FAM110A: variants seen among roughly 807,000 people sequenced by gnomAD.
FAM110A encodes protein FAM110A.
A neutral mutation model predicts 4.0 loss-of-function variants in FAM110A; 1 was observed. The ratio of observed to expected loss-of-function variants is 0.25; its 90% CI spans 0.09 to 1.20. The LOEUF is 1.20. Ranked by LOEUF, FAM110A falls within the 50% of genes most tolerant of loss-of-function variation. The pLI, the probability that FAM110A is intolerant of heterozygous loss-of-function variation, is 0.50. For missense variants in FAM110A, 436 were observed against 429.2 expected (o/e 1.02, Z -0.14); for synonymous variants, 217 against 196.8 (o/e 1.10, Z -0.86).
intron 1 of FAM110A, chr20:839,635 G>A (rs1979767403): frequency 8.6e-7 from 1 of 1,161,918 alleles, no homozygotes; most frequent in Non-Finnish European, 1.3e-6. Flanking sequence ...TTAGGCCGAG[G>A]CCTGCCAGTC....
In FAM110A at chr20:835,194, C is replaced by CTA. The variant is rs1485050831; in HGVS notation, c.-98+1244_-98+1245insAT. Among the ~76,000 whole-genome samples, 732 of 124,276 alleles carry CTA rather than the reference C, an allele frequency of 5.9e-3. 7 individuals are homozygous for CTA. The highest frequency in any genetic ancestry group is 0.02 in the African/African-American group (599 of 30,292). 81.5% of individuals were successfully genotyped at this position (124,276 alleles called of 152,430 possible). ...TCTCTCTCTCTCTCTCTCTCTCTCT[C>CTA]TCTCTCTATATATATATATACACAC... On this transcript the variant is annotated intron_variant, in intron 1 of 1. Transcript: ENST00000381941.
At chr20:843,543 T>C (rs1980062749) in intron 1 of FAM110A, among the ~76,000 whole-genome samples, 2 of 152,242 alleles carry the variant, frequency 1.3e-5, no homozygotes, top group African/African-American at 4.8e-5. Flanking sequence ...GCTATTGAGC[T>C]GGACAGCACG....
rs144688417 is a variant in FAM110A, at chr20:840,404, A to G, written c.-97-4304A>G. Among the ~76,000 whole-genome samples the G allele has an allele frequency of 1.2e-3, 185 of 152,300 alleles. 1 individual carries two copies. In the East Asian group the frequency reaches 0.028, roughly 23 times the overall value. On this transcript the variant is annotated intron_variant, in intron 1 of 1. Coordinates refer to ENST00000381941, the MANE Select transcript of FAM110A (RefSeq NM_001042353.3). The surrounding 1 kb of genome is among the most constrained non-coding windows in gnomAD (Gnocchi z 4.4). Reference sequence around the variant, plus strand: ...TGGGCCTCAGGATTCCCATGAAAAAATGGCCTATCAAATGTTCCTACCTGC... The same window carrying G: ...TGGGCCTCAGGATTCCCATGAAAAAGTGGCCTATCAAATGTTCCTACCTGC...
Position 845,297 on chromosome 20 carries a change from C to T in FAM110A, c.493C>T (p.Arg165Trp), listed in dbSNP as rs1403806823. ...CCGCCCCCTGCCCGCCTCGCCTGCC[C>T]GGCCCTGCCCATCACCCGGCCCTGC... Reference protein sequence around the residue: ...DVRPLPASPARPCPSPGPAAA... With the variant: ...DVRPLPASPAWPCPSPGPAAA... The change falls in exon 2 of 2, where the codon CGG becomes TGG. Residue 165 changes from arginine to tryptophan, a missense_variant. Arg to Trp is a moderately radical substitution (Grantham distance 101, BLOSUM62 -3). Coordinates refer to ENST00000381941, the MANE Select transcript of FAM110A (RefSeq NM_001042353.3). 3.9e-6 allele frequency: 6 copies of T among 1,522,630 alleles called. No homozygotes were observed. In the South Asian group the frequency reaches 5.0e-5, roughly 13 times the overall value. The allele number at this position is 1,522,630 out of a possible 1,614,324, so 94.3% of individuals were successfully genotyped here.
At chr20:838,085 G>C (rs1209328639) in intron 1 of FAM110A, among the ~76,000 whole-genome samples, 1 of 152,172 alleles carries the variant, frequency 6.6e-6, no homozygotes, top group Non-Finnish European at 1.5e-5. Context: ...AGCCACTCAG[G>C]AGGCTGAGGT....
intron 1 of FAM110A, among the ~76,000 whole-genome samples, chr20:842,331 C>T (rs1489511488): frequency 1.3e-5 from 2 of 152,088 alleles, no homozygotes; most frequent in Admixed American, 6.5e-5. Context: ...GGGTCGTGCA[C>T]GGGGTTTCTG....
At position 840,570 on chromosome 20, in the gene FAM110A, C is replaced by G. The variant is rs951153285; in HGVS notation, c.-97-4138C>G. The stretch of plus-strand genomic sequence containing the variant: ...GTATGGTGCCTGGCACCCCAAAATT[C>G]TAGTTATTGTTGTTACTATGACGGC... On this transcript the variant is annotated intron_variant, in intron 1 of 1. Coordinates refer to ENST00000381941, the MANE Select transcript of FAM110A (RefSeq NM_001042353.3). This position sits in a 1 kb window ranked among gnomAD's most constrained non-coding sequence, Gnocchi z 4.4. Among the ~76,000 whole-genome samples the G allele has an allele frequency of 6.6e-6, 1 of 152,146 alleles. No individual in the cohort carries two copies. Among genetic ancestry groups the G allele is most frequent in the Non-Finnish European group, 1.5e-5 (1 of 68,028 alleles).
chr20:838,678 C>T (rs1230615686), intron 1 of FAM110A, among the ~76,000 whole-genome samples: 2 of 152,046 alleles, frequency 1.3e-5, no homozygotes, highest in Non-Finnish European at 2.9e-5. Context: ...GTGCAAAAGC[C>T]CTGAGGCAGG....
At position 845,622 on chromosome 20, in the gene FAM110A, G is replaced by A. The variant is rs868662309; in HGVS notation, c.818G>A (p.Arg273His). 1.9e-6 allele frequency: 3 copies of A among 1,614,062 alleles called. No homozygotes were observed. The highest frequency in any genetic ancestry group is 2.5e-6 in the Non-Finnish European group (3 of 1,180,040). Residue 273 changes from arginine (R) to histidine (H), a missense_variant, in exon 2 of 2, where the codon CGC (arginine) becomes CAC (histidine). Coordinates refer to ENST00000381941, the MANE Select transcript of FAM110A (RefSeq NM_001042353.3). ...RVPYGVSVVE[R>H]NARVIKWLYG... ...CCCTATGGCGTGTCGGTGGTGGAGC[G>A]CAATGCCCGCGTGATCAAGTGGTTG...
intron 1 of FAM110A, among the ~76,000 whole-genome samples, chr20:843,004 C>G (rs1477573871): frequency 1.3e-5 from 2 of 152,136 alleles, no homozygotes; most frequent in East Asian, 1.9e-4. Context: ...TACACACACA[C>G]GCCTGCCCTC....
chr20:837,833 A>G (rs888923661), intron 1 of FAM110A, among the ~76,000 whole-genome samples: 2 of 151,652 alleles, frequency 1.3e-5, no homozygotes, highest in Non-Finnish European at 2.9e-5. Context: ...TTGGAGGAAG[A>G]GTAGGACAGG....
intron 1 of FAM110A, chr20:841,326 G>C (rs1360505886): frequency 1.3e-5 from 2 of 152,494 alleles, no homozygotes. Context: ...GGTACGTGCG[G>C]ACCGCGGCGG....
chr20:837,049 T>TG (rs1979613246), intron 1 of FAM110A, among the ~76,000 whole-genome samples: 1 of 139,298 alleles, frequency 7.2e-6, no homozygotes, highest in East Asian at 2.0e-4. Flanking sequence ...TGCATTGTTT[T>TG]TTTTTTTTTT....
At chr20:836,692 C>G (rs1979592506) in intron 1 of FAM110A, among the ~76,000 whole-genome samples, 1 of 152,096 alleles carries the variant, frequency 6.6e-6, no homozygotes, top group African/African-American at 2.4e-5. Flanking sequence ...TGTTTGAGTT[C>G]CTGTTTTTAA....
intron 1 of FAM110A, among the ~76,000 whole-genome samples, chr20:835,077 A>G (rs1207816168): frequency 1.3e-5 from 2 of 151,822 alleles, no homozygotes; most frequent in African/African-American, 2.4e-5. Flanking sequence ...CTCAGTAATC[A>G]AGACTGAAAC....
chr20:839,893 TG>T, intron 1 of FAM110A: 2 of 1,604,184 alleles, frequency 1.2e-6, no homozygotes, highest in Non-Finnish European at 1.7e-6. Context: ...TGCTTAGGCA[TG>T]TGGACATCCT....
chr20:841,124 T>G (rs911050989), intron 1 of FAM110A, among the ~76,000 whole-genome samples: 1 of 152,182 alleles, frequency 6.6e-6, no homozygotes, highest in African/African-American at 2.4e-5. Flanking sequence ...ACCCAGTTCC[T>G]GAGCCAGGCC....
At chr20:841,005 G>A (rs1438873704) in intron 1 of FAM110A, among the ~76,000 whole-genome samples, 1 of 152,184 alleles carries the variant, frequency 6.6e-6, no homozygotes, top group African/African-American at 2.4e-5. Flanking sequence ...CCATCTCTAA[G>A]GTGGGTGCGC....
chr20:839,715 T>G (rs1260125292), intron 1 of FAM110A: 1 of 1,279,546 alleles, frequency 7.8e-7, no homozygotes, highest in East Asian at 2.3e-5. Context: ...AGGAACAATC[T>G]CTGGGGGCAG....
Sources: allele counts gnomAD v4.1 joint callset (sites outside exome capture counted in the v4.1 genomes callset), GRCh38; gene constraint gnomAD v4.1.1; non-coding constraint Gnocchi (gnomAD v3.1); transcripts MANE v1.5; gene names NCBI Gene and HGNC (gene_info 2026-07-23, HGNC 2026-07-21).